The following CLVS1 variants were observed in gnomAD, a reference collection of about 807,000 sequenced individuals.
CLVS1 encodes clavesin-1.
Under a neutral mutation model 33.1 loss-of-function variants are expected in CLVS1, and 10 were observed. That is an observed-to-expected ratio of 0.30 (90% CI 0.19 to 0.51). The LOEUF (loss-of-function observed/expected upper bound fraction) is 0.51, where lower values mean the gene tolerates loss of function less well. Among genes scored for constraint, CLVS1 ranks in the 20% least tolerant of loss-of-function variants. CLVS1 has a pLI of 0.97. For missense variants in CLVS1, 343 were observed against 433.4 expected (o/e 0.79, Z 1.85); for synonymous variants, 163 against 166.1 (o/e 0.98, Z 0.14).
At chr8:61,466,806 C>T (rs186171780) in intron 5 of CLVS1, among the ~76,000 whole-genome samples, 1 of 152,230 alleles carries the variant, frequency 6.6e-6, no homozygotes, top group East Asian at 1.9e-4. Context: ...CACCACCACA[C>T]TCAGCTAATT....
intron 1 of CLVS1, among the ~76,000 whole-genome samples, chr8:61,091,641 T>A (rs1030198656): frequency 6.6e-6 from 1 of 152,214 alleles, no homozygotes; most frequent in African/African-American, 2.4e-5. Flanking sequence ...CGAAAGCCCT[T>A]TATAAAACAA....
rs539339423 is a variant in CLVS1 at position 61,482,056 on chromosome 8, C to T, written c.978-17399C>T. 6.6e-5 allele frequency among the ~76,000 whole-genome samples: 10 copies of T among 152,350 alleles called. No homozygotes were observed. In the East Asian group the frequency reaches 1.7e-3, roughly 26 times the overall value. ...CTGTTCTGCAATATTTGCTATTGTG[C>T]AGCCTCCACTGGTAATACCCAGACA... On this transcript the variant is annotated intron_variant, in intron 5 of 5. Transcript: ENST00000325897.
intron 1 of CLVS1, among the ~76,000 whole-genome samples, chr8:61,078,194 G>A (rs528035038): frequency 1.3e-5 from 2 of 152,366 alleles, no homozygotes; most frequent in East Asian, 3.9e-4. Flanking sequence ...TGGGCTGTGG[G>A]AAGGAGAGAG....
chr8:61,454,245 G>T lies in CLVS1; in HGVS notation c.735G>T (p.Arg245Ser). ...AGCCATTTCTTAAAGACAAGACCAG[G>T]AAACGGGTAATGAAAACAAATGCAT... ...LIKPFLKDKT[R>S]KRIFLHGNNL... The change falls in exon 4 of 6, where the codon AGG becomes AGT. Residue 245 changes from arginine (R) to serine (S), a missense_variant. This residue lies in a region of CLVS1 where 166 missense variants were observed against 244.0 expected (regional missense o/e 0.68). Transcript: ENST00000325897. The T allele has an allele frequency of 6.2e-7, 1 of 1,611,096 alleles. No homozygotes were observed.
intron 1 of CLVS1, among the ~76,000 whole-genome samples, chr8:61,098,948 T>C (rs770133502): frequency 1.3e-5 from 2 of 152,204 alleles, no homozygotes; most frequent in African/African-American, 2.4e-5. Flanking sequence ...GAGATTTGTA[T>C]ATTGATCACT....
intron 3 of CLVS1, among the ~76,000 whole-genome samples, chr8:61,417,269 T>C (rs1815474735): frequency 6.6e-6 from 1 of 152,150 alleles, no homozygotes; most frequent in Admixed American, 6.5e-5. Flanking sequence ...ATCTGCATCC[T>C]CCACTCCGGC....
intron 2 of CLVS1, among the ~76,000 whole-genome samples, chr8:61,172,525 A>G (rs1215812696): frequency 6.6e-6 from 1 of 152,220 alleles, no homozygotes; most frequent in African/African-American, 2.4e-5. Context: ...ATAATAAATA[A>G]CATGAACAAT....
chr8:61,341,781 T>C (rs191036165), intron 2 of CLVS1, among the ~76,000 whole-genome samples: 63 of 152,314 alleles, frequency 4.1e-4, no homozygotes, highest in African/African-American at 1.5e-3. Context: ...CAGATTGGGA[T>C]AGAGCCACTG....
chr8:61,310,644 C>A (rs531666865), intron 2 of CLVS1, among the ~76,000 whole-genome samples: 3 of 152,156 alleles, frequency 2.0e-5, no homozygotes, highest in African/African-American at 7.2e-5. Context: ...AGAAACCTAG[C>A]GAACCAAATG....
chr8:61,382,662 A>T (rs1021264867), intron 3 of CLVS1, among the ~76,000 whole-genome samples: 1 of 152,182 alleles, frequency 6.6e-6, no homozygotes, highest in African/African-American at 2.4e-5. Flanking sequence ...CTGGAGGGTT[A>T]GTTACAACCC....
intron 2 of CLVS1, among the ~76,000 whole-genome samples, chr8:61,206,484 A>G (rs1237509244): frequency 6.6e-6 from 1 of 152,218 alleles, no homozygotes; most frequent in Non-Finnish European, 1.5e-5. Context: ...TTAAATAAAT[A>G]TCACTTCCAC....
chr8:61,110,159 C>T (rs902739969), intron 1 of CLVS1, among the ~76,000 whole-genome samples: 4 of 152,114 alleles, frequency 2.6e-5, no homozygotes, highest in Non-Finnish European at 5.9e-5. Context: ...GAAATTAATC[C>T]CCCTCCCACC....
At chr8:61,362,346 C>T (rs545834708) in intron 2 of CLVS1, among the ~76,000 whole-genome samples, 4 of 152,248 alleles carry the variant, frequency 2.6e-5, no homozygotes, top group African/African-American at 9.6e-5. Context: ...GTCAGTCTCC[C>T]CTTACAGTCA....
At chr8:61,367,001 AC>A (rs1813236859) in intron 2 of CLVS1, among the ~76,000 whole-genome samples, 1 of 152,084 alleles carries the variant, frequency 6.6e-6, no homozygotes, top group African/African-American at 2.4e-5. Flanking sequence ...CTCCTACCTG[AC>A]TTAGTTCCTT....
At chr8:61,356,681 C>T (rs1203016030) in intron 2 of CLVS1, among the ~76,000 whole-genome samples, 11 of 152,096 alleles carry the variant, frequency 7.2e-5, no homozygotes, top group Non-Finnish European at 1.3e-4. Flanking sequence ...AATCCTTTCC[C>T]CATTGTTTGT....
At chr8:61,459,445 C>T (rs1373840742) in intron 5 of CLVS1, among the ~76,000 whole-genome samples, 1 of 151,994 alleles carries the variant, frequency 6.6e-6, no homozygotes, top group Non-Finnish European at 1.5e-5. Flanking sequence ...CTGGTGCACC[C>T]GTCATCCGAG....
intron 3 of CLVS1, among the ~76,000 whole-genome samples, chr8:61,412,607 T>C (rs900284179): frequency 1.9e-4 from 29 of 152,246 alleles, no homozygotes; most frequent in Admixed American, 1.3e-4. Flanking sequence ...ATGCTGGCAG[T>C]GCATCTTGTA....
intron 2 of CLVS1, among the ~76,000 whole-genome samples, chr8:61,267,109 C>T (rs1809324584): frequency 1.3e-5 from 2 of 152,152 alleles, no homozygotes; most frequent in African/African-American, 4.8e-5. Flanking sequence ...TCATTTTATT[C>T]ACTTGCAGAA....
chr8:61,203,053 A>G (rs1320375931), intron 2 of CLVS1: 4 of 1,302,704 alleles, frequency 3.1e-6, no homozygotes, highest in African/African-American at 1.4e-5. Context: ...CTCCTAAAAC[A>G]CCAAAAGGAC....
Sources: gnomAD v4.1 joint callset for allele counts (sites outside exome capture counted in the v4.1 genomes callset) on GRCh38, gnomAD v4.1.1 for gene constraint, gnomAD v4.1.1 regional missense constraint, MANE v1.5 for transcripts, NCBI Gene and HGNC (gene_info 2026-07-23, HGNC 2026-07-21) for gene names.